Variants in KAZN observed in about 807,000 individuals in gnomAD.
The protein encoded by KAZN is kazrin.
In KAZN, 40 loss-of-function variants were observed where a neutral mutation model predicts 87.4. That is an observed-to-expected ratio of 0.46 (90% CI 0.36 to 0.60). The LOEUF is 0.60. Ranked by LOEUF, KAZN falls within the 20% of genes least tolerant of loss-of-function variation. The pLI is 0.00. For synonymous variants in KAZN, 466 were observed against 458.3 expected, an observed-to-expected ratio of 1.02 and a Z score of -0.22; for missense variants, 898 against 1,073.9, an observed-to-expected ratio of 0.84 and a Z score of 2.29.
At chr1:14,361,922 T>C (rs1571395015) in intron 2 of KAZN, among the ~76,000 whole-genome samples, 1 of 152,200 alleles carries the variant, frequency 6.6e-6, no homozygotes, top group Admixed American at 6.5e-5. Flanking sequence ...AAAGGCTTTT[T>C]TGAGGAAGAG....
chr1:14,881,007 C>T lies in KAZN; in HGVS notation c.227-79677C>T, dbSNP rs16851000. Among the ~76,000 whole-genome samples, 9 of 152,288 alleles carry T rather than the reference C, an allele frequency of 5.9e-5. No homozygotes were observed. In the South Asian group the frequency reaches 8.3e-4, roughly 14 times the overall value. On this transcript the variant is annotated intron_variant, in intron 1 of 14. Transcript: ENST00000376030. Reference sequence around the variant, plus strand: ...TGGGGAAAACAATGAGGTAAGAAAACGAATGACAGTCCAGCATGCCTTGTG... The same window carrying T: ...TGGGGAAAACAATGAGGTAAGAAAATGAATGACAGTCCAGCATGCCTTGTG...
rs573920779 is a variant in KAZN at position 14,922,381 on chromosome 1, T to C, written c.227-38303T>C. On this transcript the variant is annotated intron_variant, in intron 1 of 14. Coordinates refer to ENST00000376030, the MANE Select transcript of KAZN (RefSeq NM_201628.3). ...TTCTTTTGTTCTGCTCTGTCTGTTA[T>C]CTCAGTAAAGGAGAGGAATTAGGGG... 7.2e-5 allele frequency among the ~76,000 whole-genome samples: 11 copies of C among 152,252 alleles called. No individual in the cohort carries two copies. In the South Asian group the frequency reaches 1.2e-3, roughly 17 times the overall value.
intron 1 of KAZN, among the ~76,000 whole-genome samples, chr1:14,173,065 G>T (rs888459065): frequency 9.2e-5 from 14 of 152,228 alleles, no homozygotes; most frequent in Admixed American, 3.9e-4. Flanking sequence ...CTTACTGTGG[G>T]GACAACCTTG....
chr1:14,143,984 C>T (rs1286091826), intron 1 of KAZN, among the ~76,000 whole-genome samples: 1 of 152,106 alleles, frequency 6.6e-6, no homozygotes, highest in African/African-American at 2.4e-5. Context: ...TCTCAAAGTG[C>T]TGGGATTATG....
chr1:14,593,880 G>A (rs1162829612), upstream of KAZN, among the ~76,000 whole-genome samples: 2 of 152,196 alleles, frequency 1.3e-5, no homozygotes, highest in Non-Finnish European at 2.9e-5. Flanking sequence ...TTTATGCAAG[G>A]CTGTGGGTGT....
chr1:15,027,550 T>C (rs555319704), intron 2 of KAZN, among the ~76,000 whole-genome samples: 60 of 152,322 alleles, frequency 3.9e-4, no homozygotes, highest in African/African-American at 1.3e-3. Flanking sequence ...GGGTGTTTAT[T>C]AGAAGTTCAA....
At chr1:14,192,175 A>G in intron 2 of KAZN, among the ~76,000 whole-genome samples, 1 of 152,170 alleles carries the variant, frequency 6.6e-6, no homozygotes, top group East Asian at 1.9e-4. Flanking sequence ...AACAAAGGGG[A>G]AAAGAAACAC....
Position 14,657,441 on chromosome 1 carries a change from G to A in KAZN, c.226+58218G>A, listed in dbSNP as rs112456309. 8.0e-4 allele frequency among the ~76,000 whole-genome samples: 122 copies of A among 152,268 alleles called. 1 individual carries two copies. Among genetic ancestry groups the A allele is most frequent in the Middle Eastern group, 6.8e-3 (2 of 294 alleles). ...CTAGAGCTTCTGCTACAATATATCAGGGGTAAGCTCCAAGAATTTGCATTT... is the reference window on the plus strand; with the variant it reads ...CTAGAGCTTCTGCTACAATATATCAAGGGTAAGCTCCAAGAATTTGCATTT... On this transcript the variant is annotated intron_variant, in intron 1 of 14. Transcript: ENST00000376030.
intron 1 of KAZN, among the ~76,000 whole-genome samples, chr1:13,925,085 A>T (rs4662045): frequency 6.6e-6 from 1 of 151,904 alleles, no homozygotes. Context: ...CCATATCCCC[A>T]GATTCCTTCC....
At chr1:14,835,392 T>C (rs1163555706) in intron 1 of KAZN, among the ~76,000 whole-genome samples, 2 of 152,132 alleles carry the variant, frequency 1.3e-5, no homozygotes. Context: ...GAGTGTTTCT[T>C]GTACCCCGTA....
chr1:14,734,560 G>A (rs1030957108), intron 1 of KAZN, among the ~76,000 whole-genome samples: 10 of 152,100 alleles, frequency 6.6e-5, no homozygotes, highest in South Asian at 2.1e-4. Context: ...TGATACACCC[G>A]CCTTGGCCTC....
chr1:14,556,172 T>G (rs1157105792), intron 2 of KAZN, among the ~76,000 whole-genome samples: 1 of 151,024 alleles, frequency 6.6e-6, no homozygotes, highest in Non-Finnish European at 1.5e-5. Context: ...GGCAGCGGTG[T>G]GATCTGTGCT....
Position 14,338,488 on chromosome 1 carries a change from G to A in KAZN, c.249+157896G>A, listed in dbSNP as rs12736092. Among the ~76,000 whole-genome samples, 457 of 81,380 alleles carry A rather than the reference G, an allele frequency of 5.6e-3. 1 individual carries two copies. The highest frequency in any genetic ancestry group is 0.013 in the African/African-American group (289 of 22,054). The allele number at this position is 81,380 out of a possible 152,430, so 53.4% of individuals were successfully genotyped here. ...CAACAGAATGAGACTCCATCTTAGA[G>A]AAAAAAAAAAAAAAAAAGAGAGAGA... On this transcript the variant is annotated intron_variant, in intron 2 of 16. Transcript: ENST00000636203.
intron 1 of KAZN, among the ~76,000 whole-genome samples, chr1:14,804,181 T>C (rs1199679595): frequency 6.6e-6 from 1 of 152,202 alleles, no homozygotes; most frequent in East Asian, 1.9e-4. Flanking sequence ...CTCCTGGCAA[T>C]TCTGTTGGGC....
chr1:15,080,773 G>T (rs1040046483), intron 8 of KAZN, among the ~76,000 whole-genome samples: 20 of 152,204 alleles, frequency 1.3e-4, no homozygotes, highest in African/African-American at 4.8e-4. Context: ...TTGGCTGCCT[G>T]AACAGAGCTG....
chr1:14,780,758 A>C (rs72636662), intron 1 of KAZN, among the ~76,000 whole-genome samples: 11,282 of 152,188 alleles, frequency 0.074, 526 homozygotes, highest in African/African-American at 0.12. Context: ...ATCGTGTATG[A>C]TTTTCCTTCT....
chr1:15,094,406 T>A lies in KAZN; in HGVS notation c.1428+21T>A. 1 of 1,597,192 alleles carries A rather than the reference T, an allele frequency of 6.3e-7. No individual in the cohort carries two copies. The highest frequency in any genetic ancestry group is 1.1e-5 in the South Asian group (1 of 89,070). On this transcript the variant is annotated intron_variant, in intron 9 of 14. Transcript: ENST00000376030. This position sits in a 1 kb window ranked among gnomAD's most constrained non-coding sequence, Gnocchi z 4.5. Reference sequence around the variant, plus strand: ...GGAAGGTAGGCAACTCCGGGCCCCCTATGGGATGCCACCCATGCCCTCTGT... The same window carrying A: ...GGAAGGTAGGCAACTCCGGGCCCCCAATGGGATGCCACCCATGCCCTCTGT...
At chr1:14,890,838 G>T (rs2462189) in intron 1 of KAZN, among the ~76,000 whole-genome samples, 137,552 of 137,556 alleles carry the variant, frequency 1, 68,774 homozygotes, top group Middle Eastern at 1. Context: ...CAGGAATCTG[G>T]ACTTTTTTTT....
At chr1:14,286,798 C>T (rs920825052) in intron 2 of KAZN, among the ~76,000 whole-genome samples, 10 of 152,148 alleles carry the variant, frequency 6.6e-5, no homozygotes, top group African/African-American at 1.7e-4. Flanking sequence ...AACTATAACA[C>T]TCATAACTTG....
Sources: allele counts gnomAD v4.1 joint callset (sites outside exome capture counted in the v4.1 genomes callset), GRCh38; gene constraint gnomAD v4.1.1; non-coding constraint Gnocchi (gnomAD v3.1); transcripts MANE v1.5; gene names NCBI Gene and HGNC (gene_info 2026-07-23, HGNC 2026-07-21).